SLC16A4: variants seen among roughly 807,000 people sequenced by gnomAD.
SLC16A4 encodes the protein solute carrier family 16 member 4.
A neutral mutation model predicts 47.9 loss-of-function variants in SLC16A4; 39 were observed. That is an observed-to-expected ratio of 0.81 (90% confidence interval 0.63 to 1.06). SLC16A4 has a LOEUF of 1.06. Ranked by LOEUF, SLC16A4 falls within the 50% of genes least tolerant of loss-of-function variation. The probability of loss-of-function intolerance (pLI) is 0.00; values close to 1 mark genes in which losing one functional copy is unlikely to be tolerated. For missense variants in SLC16A4, 524 were observed against 573.8 expected, an observed-to-expected ratio of 0.91 and a Z score of 0.89; for synonymous variants, 189 against 199.9, an observed-to-expected ratio of 0.95 and a Z score of 0.46.
chr1:110,376,696 A>G (rs964084305), intron 7 of SLC16A4, among the ~76,000 whole-genome samples: 1 of 152,194 alleles, frequency 6.6e-6, no homozygotes, highest in African/African-American at 2.4e-5. Context: ...GAGACTGATA[A>G]GTAAAAAGGA....
chr1:110,364,512 T>C (rs1406100169), intron 8 of SLC16A4, among the ~76,000 whole-genome samples: 1 of 148,688 alleles, frequency 6.7e-6, no homozygotes, highest in Non-Finnish European at 1.5e-5. Context: ...TTTTTTTTTT[T>C]TTTTTTTTGA....
intron 7 of SLC16A4, among the ~76,000 whole-genome samples, chr1:110,376,114 C>T (rs909035821): frequency 1.3e-5 from 2 of 152,022 alleles, no homozygotes; most frequent in African/African-American, 2.4e-5. Context: ...TGAGCTCAAG[C>T]GATCCACCTG....
chr1:110,367,755 CTG>C (rs933844497), intron 8 of SLC16A4, among the ~76,000 whole-genome samples: 22 of 152,038 alleles, frequency 1.4e-4, no homozygotes, highest in African/African-American at 5.3e-4. Flanking sequence ...TATTAGATCT[CTG>C]TATTTTTTTG....
intron 2 of SLC16A4, among the ~76,000 whole-genome samples, chr1:110,383,752 C>T (rs1335683731): frequency 6.7e-6 from 1 of 149,310 alleles, no homozygotes; most frequent in Non-Finnish European, 1.5e-5. Context: ...ATCTAGTCCC[C>T]AGGCAGGAAG....
intron 4 of SLC16A4, 93 bp downstream of exon 4, chr1:110,381,559 G>A (rs1570649685): frequency 3.1e-6 from 4 of 1,281,438 alleles, no homozygotes; most frequent in East Asian, 2.4e-5. Flanking sequence ...GGACTCAAGC[G>A]ATCCACCCAC....
intron 8 of SLC16A4, among the ~76,000 whole-genome samples, chr1:110,364,105 G>A (rs1246133780): frequency 6.6e-6 from 1 of 152,094 alleles, no homozygotes; most frequent in Non-Finnish European, 1.5e-5. Context: ...AGTGGAAGTT[G>A]GAGAAAATTA....
In SLC16A4 at chr1:110,363,060, A is replaced by G. The variant is rs995981686; in HGVS notation, c.*706T>C. ...TCCAGTCACTAAGTAAGGTTTTAAT[A>G]TTCAGATTCCAGAATTCTGATCAAT... On this transcript the variant is annotated 3_prime_UTR_variant, in exon 9 of 9. Transcript: ENST00000369779. 1 of 152,234 alleles carries G rather than the reference A, an allele frequency of 6.6e-6. No individual in the cohort carries two copies. The highest frequency in any genetic ancestry group is 1.5e-5 in the Non-Finnish European group (1 of 68,054). The allele number at this position is 152,234 out of a possible 1,614,324, so 9.4% of individuals were successfully genotyped here. A position where few individuals can be genotyped will look rare whatever the true frequency, so the allele number is the denominator to read the frequency against.
chr1:110,379,413 T>TG (rs1174248034), intron 5 of SLC16A4, 57 bp from the exon 6 acceptor site: 1 of 1,503,010 alleles, frequency 6.7e-7, no homozygotes, highest in Non-Finnish European at 9.0e-7. Context: ...AATACTGCTT[T>TG]GTGTTCATAG....
At chr1:110,389,730 A>C (rs1161504366) in intron 1 of SLC16A4, among the ~76,000 whole-genome samples, 4 of 152,014 alleles carry the variant, frequency 2.6e-5, no homozygotes, top group Non-Finnish European at 5.9e-5. Context: ...ACCATAAAAA[A>C]GAACAAAATC....
At chr1:110,380,035 T>A (rs1223185448) in intron 5 of SLC16A4, 4 of 106,962 alleles carry the variant, frequency 3.7e-5, no homozygotes, top group Non-Finnish European at 7.3e-5. Flanking sequence ...CCAGCCTGAA[T>A]GACAAAGCGA....
At chr1:110,365,452 G>T (rs1011563074) in intron 8 of SLC16A4, among the ~76,000 whole-genome samples, 2 of 152,134 alleles carry the variant, frequency 1.3e-5, no homozygotes, top group African/African-American at 4.8e-5. Flanking sequence ...TAAGTGAATA[G>T]AATGTTTTAT....
intron 2 of SLC16A4, among the ~76,000 whole-genome samples, chr1:110,384,275 A>T (rs114181050): frequency 4.8e-4 from 73 of 152,324 alleles, no homozygotes; most frequent in African/African-American, 1.7e-3. Context: ...TTCCTTCACT[A>T]GATATATAAA....
At chr1:110,366,101 T>TACACACAC (rs112827792) in intron 8 of SLC16A4, among the ~76,000 whole-genome samples, 292 of 143,930 alleles carry the variant, frequency 2.0e-3, no homozygotes, top group East Asian at 0.011. Flanking sequence ...CCTTTCATTT[T>TACACACAC]ACACACACAC....
chr1:110,390,618 A>G (rs1013032939), intron 1 of SLC16A4, among the ~76,000 whole-genome samples: 3 of 152,350 alleles, frequency 2.0e-5, no homozygotes, highest in Non-Finnish European at 4.4e-5. Flanking sequence ...CCTTCTCCCA[A>G]TCGGTTCCGT....
intron 2 of SLC16A4, among the ~76,000 whole-genome samples, chr1:110,385,563 C>T (rs534790066): frequency 2.0e-5 from 3 of 152,288 alleles, no homozygotes; most frequent in East Asian, 3.9e-4. Context: ...GTACCATCCA[C>T]CCATTCATTT....
At position 110,379,335 on chromosome 1, in the gene SLC16A4, G is replaced by C; in HGVS notation, c.548C>G (p.Ala183Gly). 1.2e-6 allele frequency: 2 copies of C among 1,601,720 alleles called. No homozygotes were observed. The highest frequency in any genetic ancestry group is 1.7e-6 in the Non-Finnish European group (2 of 1,170,706). The change falls in exon 6 of 9, where the codon GCT becomes GGT. Residue 183 changes from alanine to glycine, a missense_variant. Transcript: ENST00000369779. ...AGAAGGCACCAAATTCAATGCGATA[G>C]CTCCAAATAATATAAGGGCTCCTAA... The part of the protein sequence containing the change: ...DWTGALILFG[A>G]IALNLVPSSM...
chr1:110,389,269 A>G lies in SLC16A4; in HGVS notation c.55T>C (p.Trp19Arg), dbSNP rs769183989. 2 of 1,614,026 alleles carry G rather than the reference A, an allele frequency of 1.2e-6. No homozygotes were observed. Among genetic ancestry groups the G allele is most frequent in the South Asian group, 2.2e-5 (2 of 91,078 alleles). ...AAATGAATCACAATCATCCATCCCC[A>G]TCCTCCATCCAGGGTTTTAGTGTAA... ...QPYTKTLDGG[W>R]GWMIVIHFFL... The change falls in exon 2 of 9, where the codon TGG becomes CGG. Residue 19 changes from tryptophan (W) to arginine (R), a missense_variant. By Grantham distance (101) the Trp-to-Arg change is moderately radical. Transcript: ENST00000369779.
intron 8 of SLC16A4, among the ~76,000 whole-genome samples, chr1:110,369,499 C>T (rs1024796561): frequency 6.6e-6 from 1 of 152,068 alleles, no homozygotes; most frequent in Admixed American, 6.6e-5. Flanking sequence ...ACTCAGGAGG[C>T]TGAGGTGGGA....
At chr1:110,364,127 C>T (rs945406452) in intron 8 of SLC16A4, among the ~76,000 whole-genome samples, 2 of 152,000 alleles carry the variant, frequency 1.3e-5, no homozygotes, top group African/African-American at 2.4e-5. Flanking sequence ...GAACACATAC[C>T]GTTTTATTTT....
Sources: allele counts gnomAD v4.1 joint callset (sites outside exome capture counted in the v4.1 genomes callset), GRCh38; gene constraint gnomAD v4.1.1; transcripts MANE v1.5; gene names NCBI Gene and HGNC (gene_info 2026-07-23, HGNC 2026-07-21).